AGAP1: variants seen among roughly 807,000 people sequenced by gnomAD.
The protein encoded by AGAP1 is arf-GAP with GTPase, ANK repeat and PH domain-containing protein 1.
A neutral mutation model predicts 105.3 loss-of-function variants in AGAP1; 29 were observed. The observed-to-expected ratio is 0.28, with a 90% CI of 0.21 to 0.38. AGAP1 has a LOEUF of 0.38. Ranked by LOEUF, AGAP1 falls within the 10% of genes least tolerant of loss-of-function variation. The probability of loss-of-function intolerance (pLI) is 1.00; values close to 1 mark genes in which losing one functional copy is unlikely to be tolerated. For missense variants in AGAP1, 998 were observed against 1,165.1 expected (o/e 0.86, Z 2.09); for synonymous variants, 509 against 485.9 (o/e 1.05, Z -0.63).
chr2:235,747,119 G>T lies in AGAP1; in HGVS notation c.538+2280G>T, dbSNP rs981749885. Among the ~76,000 whole-genome samples, 2 of 151,990 alleles carry T rather than the reference G, an allele frequency of 1.3e-5. No individual in the cohort carries two copies. The highest frequency in any genetic ancestry group is 2.9e-5 in the Non-Finnish European group (2 of 68,002). Reference sequence around the variant, plus strand: ...GCTTTTGTTCCTCATATTTCAATCTGCGACCAGTGTTCCAGGGTCCTGCCT... The same window carrying T: ...GCTTTTGTTCCTCATATTTCAATCTTCGACCAGTGTTCCAGGGTCCTGCCT... On this transcript the variant is annotated intron_variant, in intron 5 of 17. Transcript: ENST00000304032. This position sits in a 1 kb window ranked among gnomAD's most constrained non-coding sequence, Gnocchi z 5.0.
chr2:236,030,278 G>A (rs2057185664), intron 13 of AGAP1, among the ~76,000 whole-genome samples: 1 of 152,128 alleles, frequency 6.6e-6, no homozygotes, highest in Admixed American at 6.5e-5. Context: ...GCCTCCCAAA[G>A]TGCTGGGATT....
chr2:235,807,133 G>A (rs1255637110), intron 8 of AGAP1, 106 bp from the exon 9 acceptor site: 4 of 1,105,472 alleles, frequency 3.6e-6, no homozygotes, highest in Non-Finnish European at 5.3e-6. Flanking sequence ...CATAGATCGC[G>A]CATGTTTTCT....
chr2:235,970,818 C>T lies in AGAP1; in HGVS notation c.1645+2195C>T, dbSNP rs539708659. Among the ~76,000 whole-genome samples the T allele has an allele frequency of 1.2e-4, 19 of 152,268 alleles. No individual in the cohort carries two copies. In the East Asian group the frequency reaches 2.1e-3, roughly 17 times the overall value. ...GACAAGTGACCGTGACCACGTTGGA[C>T]GCCTGATGTTTCAGGTCCACTTGCT... On this transcript the variant is annotated intron_variant, in intron 13 of 17. Coordinates refer to ENST00000304032, the MANE Select transcript of AGAP1 (RefSeq NM_001037131.3). This position sits in a 1 kb window ranked among gnomAD's most constrained non-coding sequence, Gnocchi z 5.4.
intron 1 of AGAP1, among the ~76,000 whole-genome samples, chr2:235,604,148 T>TA (rs529957684): frequency 0.032 from 4,831 of 150,658 alleles, 206 homozygotes; most frequent in African/African-American, 0.11. Flanking sequence ...GAATGGAATT[T>TA]AAAAAAAAAA....
chr2:235,835,833 A>C (rs1960091104), intron 9 of AGAP1, among the ~76,000 whole-genome samples: 1 of 152,258 alleles, frequency 6.6e-6, no homozygotes, highest in African/African-American at 2.4e-5. Flanking sequence ...TAGACAAAGA[A>C]GGCGGCTAAC....
rs574061716 is a variant in AGAP1 at position 235,600,436 on chromosome 2, C to T, written c.163+105587C>T. On this transcript the variant is annotated intron_variant, in intron 1 of 17. Coordinates refer to ENST00000304032, the MANE Select transcript of AGAP1 (RefSeq NM_001037131.3). The surrounding 1 kb of genome is among the most constrained non-coding windows in gnomAD (Gnocchi z 4.8). ...TAGACCCCCATACTCCTGTAGATACCCCCTCATTACAGACCCCCACCATCC... is the reference window on the plus strand; with the variant it reads ...TAGACCCCCATACTCCTGTAGATACTCCCTCATTACAGACCCCCACCATCC... Among the ~76,000 whole-genome samples the T allele has an allele frequency of 2.0e-5, 3 of 152,120 alleles. No individual in the cohort carries two copies. Among genetic ancestry groups the T allele is most frequent in the Non-Finnish European group, 4.4e-5 (3 of 68,022 alleles).
intron 6 of AGAP1, among the ~76,000 whole-genome samples, chr2:235,772,197 C>T (rs1041902089): frequency 6.6e-5 from 10 of 151,854 alleles, no homozygotes; most frequent in East Asian, 3.9e-4. Flanking sequence ...ACAGGGATGT[C>T]GGCCAGGCTG....
At chr2:235,844,071 C>T (rs1161756558) in intron 9 of AGAP1, among the ~76,000 whole-genome samples, 1 of 152,186 alleles carries the variant, frequency 6.6e-6, no homozygotes, top group East Asian at 1.9e-4. Context: ...TGAGTCTGTC[C>T]TCCCCACTGC....
Position 235,678,045 on chromosome 2 carries a change from T to C in AGAP1, c.164-31134T>C, listed in dbSNP as rs112929376. Reference sequence around the variant, plus strand: ...GTGACTTGCTTTCCTGTACAGTAAGTGCTGCCGCCTCAGGAGCGGGCGCAG... The same window carrying C: ...GTGACTTGCTTTCCTGTACAGTAAGCGCTGCCGCCTCAGGAGCGGGCGCAG... On this transcript the variant is annotated intron_variant, in intron 1 of 17. Coordinates refer to ENST00000304032, the MANE Select transcript of AGAP1 (RefSeq NM_001037131.3). Among the ~76,000 whole-genome samples the C allele has an allele frequency of 3.8e-3, 573 of 149,300 alleles. 3 individuals are homozygous for C. The highest frequency in any genetic ancestry group is 0.013 in the African/African-American group (531 of 41,044).
rs749840454 is a variant in AGAP1 at position 235,883,459 on chromosome 2, G to C, written c.1155+10G>C. On this transcript the variant is annotated intron_variant, in intron 10 of 17. Coordinates refer to ENST00000304032, the MANE Select transcript of AGAP1 (RefSeq NM_001037131.3). The surrounding 1 kb of genome is among the most constrained non-coding windows in gnomAD (Gnocchi z 4.5). ...TCATCCCAGTTTACATGTGAGTATAGCCCCCTCGGAGCAATTAACAGCTGC... is the reference window on the plus strand; with the variant it reads ...TCATCCCAGTTTACATGTGAGTATACCCCCCTCGGAGCAATTAACAGCTGC... The C allele has an allele frequency of 1.9e-6, 3 of 1,608,240 alleles. No homozygotes were observed. In the East Asian group the frequency reaches 6.7e-5, roughly 36 times the overall value.
In AGAP1 at chr2:236,042,902, T is replaced by C. The variant is rs369186430; in HGVS notation, c.1891+2061T>C. On this transcript the variant is annotated intron_variant, in intron 15 of 17. Coordinates refer to ENST00000304032, the MANE Select transcript of AGAP1 (RefSeq NM_001037131.3). The surrounding 1 kb of genome is among the most constrained non-coding windows in gnomAD (Gnocchi z 5.6). ...CCCGGTGCCAAACCCTCCCATGCGC[T>C]GTCTTTTCATTCTGCAACCCTAGTA... Among the ~76,000 whole-genome samples, 18 of 152,240 alleles carry C rather than the reference T, an allele frequency of 1.2e-4. No homozygotes were observed. The highest frequency in any genetic ancestry group is 4.1e-4 in the African/African-American group (17 of 41,476).
chr2:235,986,386 T>A (rs907062654), intron 13 of AGAP1, among the ~76,000 whole-genome samples: 1 of 152,092 alleles, frequency 6.6e-6, no homozygotes, highest in Non-Finnish European at 1.5e-5. Context: ...GATGATGGGG[T>A]TTTCTCAATA....
intron 11 of AGAP1, among the ~76,000 whole-genome samples, chr2:235,913,397 ATTT>A (rs2051716168): frequency 6.6e-6 from 1 of 152,102 alleles, no homozygotes; most frequent in South Asian, 2.1e-4. Context: ...ATCTAATTGA[ATTT>A]TTTATTCAAA....
chr2:235,829,905 C>T (rs1405962710), intron 9 of AGAP1, among the ~76,000 whole-genome samples: 6 of 152,118 alleles, frequency 3.9e-5, no homozygotes, highest in Admixed American at 2.0e-4. Flanking sequence ...GTCAGTGGGC[C>T]GGGACAGGCA....
chr2:236,047,472 C>A (rs1051444072), intron 15 of AGAP1, among the ~76,000 whole-genome samples: 1 of 151,702 alleles, frequency 6.6e-6, no homozygotes, highest in Non-Finnish European at 1.5e-5. Flanking sequence ...GTTCTGACTG[C>A]GCTTTTCAGC....
At position 235,960,440 on chromosome 2, in the gene AGAP1, A is replaced by G. The variant is rs74380410; in HGVS notation, c.1484-8022A>G. 0.013 allele frequency among the ~76,000 whole-genome samples: 2,004 copies of G among 152,034 alleles called. 46 individuals carry two copies. The highest frequency in any genetic ancestry group is 0.046 in the African/African-American group (1,896 of 41,466). On this transcript the variant is annotated intron_variant, in intron 12 of 17. Coordinates refer to ENST00000304032, the MANE Select transcript of AGAP1 (RefSeq NM_001037131.3). This position sits in a 1 kb window ranked among gnomAD's most constrained non-coding sequence, Gnocchi z 4.9. Reference sequence around the variant, plus strand: ...CTCTCCTGGGCTTTCTCCCGGTGCAATGACACCTTCATCTCCCTGTTGGTC... The same window carrying G: ...CTCTCCTGGGCTTTCTCCCGGTGCAGTGACACCTTCATCTCCCTGTTGGTC...
Position 235,992,314 on chromosome 2 carries a change from C to T in AGAP1, c.1645+23691C>T, listed in dbSNP as rs191214774. On this transcript the variant is annotated intron_variant, in intron 13 of 17. Coordinates refer to ENST00000304032, the MANE Select transcript of AGAP1 (RefSeq NM_001037131.3). The surrounding 1 kb of genome is among the most constrained non-coding windows in gnomAD (Gnocchi z 4.8). ...GCGGGTGGCCTGGGCGAGTGCCTCACGCTCCCGTCAGTGCTCTCAGCTGTA... is the reference window on the plus strand; with the variant it reads ...GCGGGTGGCCTGGGCGAGTGCCTCATGCTCCCGTCAGTGCTCTCAGCTGTA... Among the ~76,000 whole-genome samples the T allele has an allele frequency of 3.9e-5, 6 of 152,336 alleles. No individual in the cohort carries two copies. In the East Asian group the frequency reaches 5.8e-4, roughly 15 times the overall value.
At position 236,096,898 on chromosome 2, in the gene AGAP1, C is replaced by G. The variant is rs1297827206; in HGVS notation, c.2115-23294C>G. 1.3e-5 allele frequency among the ~76,000 whole-genome samples: 2 copies of G among 152,142 alleles called. No individual in the cohort carries two copies. The highest frequency in any genetic ancestry group is 4.8e-5 in the African/African-American group (2 of 41,444). ...CCGGGCCAAATGATGCACTTTTAAA[C>G]TGAAGTTTCATCCTTGCCGTATCAC... On this transcript the variant is annotated intron_variant, in intron 16 of 17. Coordinates refer to ENST00000304032, the MANE Select transcript of AGAP1 (RefSeq NM_001037131.3). This position sits in a 1 kb window ranked among gnomAD's most constrained non-coding sequence, Gnocchi z 4.4.
intron 9 of AGAP1, among the ~76,000 whole-genome samples, chr2:235,826,666 G>T (rs899820639): frequency 2.0e-5 from 3 of 151,956 alleles, no homozygotes; most frequent in Non-Finnish European, 2.9e-5. Flanking sequence ...GCCAGGGTGG[G>T]CTCGAACTCC....
Sources: allele counts gnomAD v4.1 joint callset (sites outside exome capture counted in the v4.1 genomes callset), GRCh38; gene constraint gnomAD v4.1.1; non-coding constraint Gnocchi (gnomAD v3.1); transcripts MANE v1.5; gene names NCBI Gene and HGNC (gene_info 2026-07-23, HGNC 2026-07-21).